TSPAN18: variants seen among roughly 807,000 people sequenced by gnomAD.
TSPAN18 encodes tetraspanin 18, also known as tetraspanin-18.
TSPAN18 carries 14 observed loss-of-function variants against 27.3 expected under a neutral mutation model. The observed-to-expected ratio is 0.51, with a 90% CI of 0.34 to 0.80. TSPAN18 has a LOEUF of 0.80. Among genes scored for constraint, TSPAN18 ranks in the 30% least tolerant of loss-of-function variants. The pLI, the probability that TSPAN18 is intolerant of heterozygous loss-of-function variation, is 0.01. For synonymous variants in TSPAN18, 143 were observed against 136.5 expected (o/e 1.05, Z -0.33); for missense variants, 268 against 323.9 (o/e 0.83, Z 1.32).
intron 3 of TSPAN18, among the ~76,000 whole-genome samples, chr11:44,880,190 A>T (rs1027292617): frequency 2.0e-5 from 3 of 152,216 alleles, no homozygotes; most frequent in African/African-American, 7.2e-5. Context: ...GAGCGCCAGG[A>T]TGGCCGCTGA....
At chr11:44,844,440 T>C (rs567482334) in intron 2 of TSPAN18, among the ~76,000 whole-genome samples, 4 of 152,356 alleles carry the variant, frequency 2.6e-5, no homozygotes, top group East Asian at 1.9e-4. Context: ...GGGCATGTCA[T>C]AGGACAGTCC....
intron 3 of TSPAN18, among the ~76,000 whole-genome samples, chr11:44,891,218 T>A (rs1337983629): frequency 6.6e-6 from 1 of 152,192 alleles, no homozygotes; most frequent in Non-Finnish European, 1.5e-5. Context: ...ATGGTTTCCT[T>A]TTTAATCTTA....
chr11:44,823,062 A>C (rs918102582), intron 2 of TSPAN18, among the ~76,000 whole-genome samples: 1 of 152,194 alleles, frequency 6.6e-6, no homozygotes, highest in Non-Finnish European at 1.5e-5. Flanking sequence ...TGATGTTACT[A>C]TCCAGGTCAT....
At chr11:44,781,945 G>T (rs1429960378) in intron 2 of TSPAN18, among the ~76,000 whole-genome samples, 1 of 152,100 alleles carries the variant, frequency 6.6e-6, no homozygotes, top group Non-Finnish European at 1.5e-5. Context: ...TCCTACAGTA[G>T]GTACTCTCCT....
At chr11:44,835,802 C>G (rs1222194976) in intron 2 of TSPAN18, among the ~76,000 whole-genome samples, 1 of 152,176 alleles carries the variant, frequency 6.6e-6, no homozygotes, top group Non-Finnish European at 1.5e-5. Context: ...CACTTCCTAT[C>G]TCTGTTGCAT....
intron 3 of TSPAN18, among the ~76,000 whole-genome samples, chr11:44,865,146 G>T (rs909030444): frequency 6.6e-6 from 1 of 152,206 alleles, no homozygotes; most frequent in African/African-American, 2.4e-5. Context: ...AATGGCTTTT[G>T]AGCTGATTAA....
chr11:44,815,897 G>T (rs1856809593), intron 2 of TSPAN18, among the ~76,000 whole-genome samples: 1 of 152,186 alleles, frequency 6.6e-6, no homozygotes, highest in South Asian at 2.1e-4. Flanking sequence ...GAGGCTGGGT[G>T]GCTGGGCAGA....
chr11:44,875,618 C>G (rs1482364281), intron 3 of TSPAN18, among the ~76,000 whole-genome samples: 1 of 152,218 alleles, frequency 6.6e-6, no homozygotes, highest in Non-Finnish European at 1.5e-5. Context: ...ATTATCTCAT[C>G]AAATCCTTGT....
At chr11:44,810,367 T>C (rs1856687208) in intron 2 of TSPAN18, among the ~76,000 whole-genome samples, 1 of 152,174 alleles carries the variant, frequency 6.6e-6, no homozygotes, top group African/African-American at 2.4e-5. Context: ...GTAGTTCATA[T>C]AAATGGAGTC....
intron 2 of TSPAN18, among the ~76,000 whole-genome samples, chr11:44,783,698 C>T (rs1855993628): frequency 6.6e-6 from 1 of 152,090 alleles, no homozygotes; most frequent in Non-Finnish European, 1.5e-5. Flanking sequence ...CGCCCGGCCT[C>T]CCAAGACTAT....
chr11:44,820,858 C>A (rs1856912834), intron 2 of TSPAN18, among the ~76,000 whole-genome samples: 1 of 152,076 alleles, frequency 6.6e-6, no homozygotes, highest in South Asian at 2.1e-4. Flanking sequence ...TCTCTTGCTC[C>A]CTCTCTTGCC....
At chr11:44,841,411 G>A (rs1182339624) in intron 2 of TSPAN18, among the ~76,000 whole-genome samples, 3 of 152,014 alleles carry the variant, frequency 2.0e-5, no homozygotes, top group Non-Finnish European at 2.9e-5. Context: ...AAGCTATCGG[G>A]AGGCTGAGGC....
chr11:44,758,049 A>G (rs1327442833), intron 1 of TSPAN18, among the ~76,000 whole-genome samples: 3 of 152,174 alleles, frequency 2.0e-5, no homozygotes, highest in African/African-American at 4.8e-5. Flanking sequence ...ACAAAATCCA[A>G]TGTCAAATTG....
chr11:44,908,501 A>G (rs1859539434), intron 4 of TSPAN18, among the ~76,000 whole-genome samples: 2 of 152,052 alleles, frequency 1.3e-5, no homozygotes, highest in African/African-American at 4.8e-5. Flanking sequence ...TGGGAGGCCA[A>G]GGCAGGAGGA....
intron 2 of TSPAN18, among the ~76,000 whole-genome samples, chr11:44,830,613 G>A (rs1231121380): frequency 1.3e-5 from 2 of 152,224 alleles, no homozygotes; most frequent in African/African-American, 2.4e-5. Context: ...GGTGATGAAA[G>A]TGAAGCAAAG....
rs145223797 is a variant in TSPAN18 at position 44,815,731 on chromosome 11, G to A, written c.-152-44597G>A. On this transcript the variant is annotated intron_variant, in intron 2 of 9. Transcript: ENST00000520358. ...GCTCATGGAGCATGATGGAGGAGTAGGGAGGGTGCGGGAGACTTCAGCTCA... is the reference window on the plus strand; with the variant it reads ...GCTCATGGAGCATGATGGAGGAGTAAGGAGGGTGCGGGAGACTTCAGCTCA... Among the ~76,000 whole-genome samples the A allele has an allele frequency of 4.6e-3, 703 of 152,270 alleles. 3 individuals are homozygous for A. The highest frequency in any genetic ancestry group is 7.0e-3 in the South Asian group (34 of 4,826).
intron 2 of TSPAN18, among the ~76,000 whole-genome samples, chr11:44,848,219 C>T (rs1299190093): frequency 6.6e-6 from 1 of 152,198 alleles, no homozygotes; most frequent in Admixed American, 6.5e-5. Flanking sequence ...TCTCCTGTGC[C>T]TGGCTGACCT....
chr11:44,776,563 C>G (rs930997207), intron 2 of TSPAN18, among the ~76,000 whole-genome samples: 2 of 152,202 alleles, frequency 1.3e-5, no homozygotes, highest in Non-Finnish European at 2.9e-5. Context: ...CATACCAGTG[C>G]TGGGACCCTG....
chr11:44,830,862 A>C (rs540948186), intron 2 of TSPAN18, among the ~76,000 whole-genome samples: 3 of 152,336 alleles, frequency 2.0e-5, no homozygotes, highest in South Asian at 4.1e-4. Flanking sequence ...AGGTCTTCTG[A>C]AGTCTTTAAA....
Sources: allele counts gnomAD v4.1 joint callset (sites outside exome capture counted in the v4.1 genomes callset), GRCh38; gene constraint gnomAD v4.1.1; transcripts MANE v1.5; gene names NCBI Gene and HGNC (gene_info 2026-07-23, HGNC 2026-07-21).